The following NBEAL1 variants were observed in gnomAD, a reference collection of about 807,000 sequenced individuals.
The protein encoded by NBEAL1 is neurobeachin-like protein 1.
A neutral mutation model predicts 351.3 loss-of-function variants in NBEAL1; 273 were observed. The ratio of observed to expected loss-of-function variants is 0.78; its 90% CI spans 0.70 to 0.86. The LOEUF (loss-of-function observed/expected upper bound fraction) is 0.86. NBEAL1 is among the 40% of genes least tolerant of loss of function. The pLI, the probability that NBEAL1 is intolerant of heterozygous loss-of-function variation, is 0.00. For missense variants in NBEAL1, 2,961 were observed against 3,201.3 expected, an observed-to-expected ratio of 0.92 and a Z score of 1.81; for synonymous variants, 1,050 against 1,086.4, an observed-to-expected ratio of 0.97 and a Z score of 0.66.
At chr2:203,123,457 CA>C (rs1486752865) in intron 19 of NBEAL1, among the ~76,000 whole-genome samples, 1 of 151,692 alleles carries the variant, frequency 6.6e-6, no homozygotes, top group Non-Finnish European at 1.5e-5. Context: ...CTCAGCCTTC[CA>C]AGTAGCTGGG....
At chr2:203,085,422 C>T (rs2061945511) in intron 10 of NBEAL1, 1 of 152,276 alleles carries the variant, frequency 6.6e-6, no homozygotes, top group Non-Finnish European at 1.5e-5. Context: ...ATTTATCTAA[C>T]CAATATTTAT....
At chr2:203,157,944 C>T (rs2063839994) in intron 36 of NBEAL1, 119 bp downstream of exon 36, 1 of 732,588 alleles carries the variant, frequency 1.4e-6, no homozygotes, top group Non-Finnish European at 2.0e-6. Context: ...AATGCTGTAT[C>T]AGCTGTTAGG....
intron 17 of NBEAL1, 72 bp from the exon 18 acceptor site, chr2:203,115,913 T>C (rs2062685260): frequency 1.0e-6 from 1 of 991,656 alleles, no homozygotes; most frequent in Middle Eastern, 2.1e-4. Flanking sequence ...TTTTAAATTT[T>C]ATTCTGATAA....
At chr2:203,099,525 T>C in intron 11 of NBEAL1, 104 bp from the exon 12 acceptor site, 1 of 660,122 alleles carries the variant, frequency 1.5e-6, no homozygotes, top group South Asian at 2.0e-5. Flanking sequence ...ATGTAATGCA[T>C]GTTAAGTAAT....
intron 42 of NBEAL1, among the ~76,000 whole-genome samples, chr2:203,179,606 G>C (rs2106436204): frequency 6.6e-6 from 1 of 152,158 alleles, no homozygotes; most frequent in East Asian, 1.9e-4. Context: ...TCACTCTCTG[G>C]TTTTAAGAGG....
chr2:203,026,768 C>A (rs1056761967), intron 2 of NBEAL1, among the ~76,000 whole-genome samples: 2 of 152,174 alleles, frequency 1.3e-5, no homozygotes, highest in Non-Finnish European at 2.9e-5. Flanking sequence ...CTGCCTCGGC[C>A]TCCCAAAGTG....
At chr2:203,104,498 C>A (rs2062391739) in intron 12 of NBEAL1, among the ~76,000 whole-genome samples, 1 of 152,160 alleles carries the variant, frequency 6.6e-6, no homozygotes, top group Admixed American at 6.5e-5. Context: ...ATCCAACTTG[C>A]CACTCTGTGC....
Position 203,199,402 on chromosome 2 carries a change from C to A in NBEAL1, c.7193C>A (p.Ser2398Tyr), listed in dbSNP as rs989936744. Residue 2398 changes from serine (S) to tyrosine (Y), a missense_variant, in exon 49 of 56, where the codon TCT becomes TAT. By Grantham distance (144) the Ser-to-Tyr change is moderately radical. Transcript: ENST00000683969. ...TGGTTGCCTTATGACAGAAACATTT[C>A]TAATTACTTTACATTCATCAAGGAT... ...HGWLPYDRNI[S>Y]NYFTFIKDQT... 6.2e-7 allele frequency: 1 copy of A among 1,607,756 alleles called. No homozygotes were observed. Among genetic ancestry groups the A allele is most frequent in the Non-Finnish European group, 8.5e-7 (1 of 1,175,158 alleles).
chr2:203,145,135 G>T lies in NBEAL1; in HGVS notation c.5279G>T (p.Gly1760Val). 6.2e-7 allele frequency: 1 copy of T among 1,604,668 alleles called. No homozygotes were observed. The highest frequency in any genetic ancestry group is 8.5e-7 in the Non-Finnish European group (1 of 1,177,702). Residue 1760 changes from glycine to valine, a missense_variant, in exon 33 of 56, where the codon GGA becomes GTA. Coordinates refer to ENST00000683969, the MANE Select transcript of NBEAL1 (RefSeq NM_001378026.1). ...MVNMHKRDRE[G>V]GESKLKFQEL... is the part of the protein sequence containing the mutation. Reference sequence around the variant, plus strand: ...AATATGCATAAACGAGACCGGGAAGGAGGGGAAAGCAAGCTCAAATTTCAG... The same window carrying T: ...AATATGCATAAACGAGACCGGGAAGTAGGGGAAAGCAAGCTCAAATTTCAG...
intron 4 of NBEAL1, 113 bp from the exon 5 acceptor site, chr2:203,056,314 T>C: frequency 5.9e-6 from 4 of 681,188 alleles, no homozygotes; most frequent in Non-Finnish European, 1.1e-5. Flanking sequence ...TTTTAATAAA[T>C]GTCATTTGCA....
At chr2:203,175,018 T>G in intron 41 of NBEAL1, 129 bp from the exon 42 acceptor site, 1 of 766,612 alleles carries the variant, frequency 1.3e-6, no homozygotes, top group South Asian at 2.1e-5. Context: ...AATACAGAGT[T>G]TGATAATGAG....
intron 2 of NBEAL1, among the ~76,000 whole-genome samples, chr2:203,021,901 A>AG (rs1553594421): frequency 6.6e-6 from 1 of 151,924 alleles, no homozygotes; most frequent in Non-Finnish European, 1.5e-5. Context: ...TACAAAAAAA[A>AG]TTAGCCAGGC....
chr2:203,044,581 C>T (rs189577834), intron 3 of NBEAL1, among the ~76,000 whole-genome samples: 28 of 152,224 alleles, frequency 1.8e-4, no homozygotes, highest in Admixed American at 6.5e-4. Flanking sequence ...ACATGAAGAA[C>T]GCCAAGAGCA....
At chr2:203,116,172 G>A in intron 18 of NBEAL1, 102 bp downstream of exon 18, 1 of 808,566 alleles carries the variant, frequency 1.2e-6, no homozygotes, top group Non-Finnish European at 2.0e-6. Flanking sequence ...TTAAAAGGAG[G>A]GGTTTGAATT....
chr2:203,116,043 T>C lies in NBEAL1; in HGVS notation c.2565T>C (p.Gly855=). The C allele has an allele frequency of 6.4e-7, 1 of 1,553,672 alleles. No individual in the cohort carries two copies. The highest frequency in any genetic ancestry group is 8.7e-7 in the Non-Finnish European group (1 of 1,147,362). The change falls in exon 18 of 56, where the codon GGT becomes GGC. Residue 855 remains glycine (G), a synonymous_variant. Transcript: ENST00000683969. Reference sequence around the variant, plus strand: ...AGTCTGACATGGCCGACCTGCCTGGTAACATCCTTCTTTACTACACAGCAA... The same window carrying C: ...AGTCTGACATGGCCGACCTGCCTGGCAACATCCTTCTTTACTACACAGCAA... ...CQESDMADLP[G]NILLYYTAKA... is the part of the protein sequence containing the mutation.
chr2:203,100,213 T>G (rs2062283792), intron 12 of NBEAL1, among the ~76,000 whole-genome samples: 1 of 152,246 alleles, frequency 6.6e-6, no homozygotes. Context: ...TGAACATACA[T>G]GTTCATGTGT....
At chr2:203,089,373 A>T (rs1559357553) in intron 10 of NBEAL1, among the ~76,000 whole-genome samples, 1 of 151,856 alleles carries the variant, frequency 6.6e-6, no homozygotes, top group African/African-American at 2.4e-5. Flanking sequence ...AAAAAAAAAA[A>T]GATCCCCACT....
At chr2:203,081,688 T>G (rs1259676957) in intron 8 of NBEAL1, among the ~76,000 whole-genome samples, 2 of 152,254 alleles carry the variant, frequency 1.3e-5, no homozygotes, top group East Asian at 3.8e-4. Context: ...TCATGCTTAC[T>G]ATTCTATTTC....
Position 203,073,094 on chromosome 2 carries a change from G to GC in NBEAL1, c.598+4619_598+4620insC, listed in dbSNP as rs1481970143. On this transcript the variant is annotated intron_variant, in intron 7 of 55. Transcript: ENST00000683969. ...TTTTGTTTTGTTTTTCATTGAGACAGAATCTTGCTATATTGCTCAGGCTCA... is the reference window on the plus strand; with the variant it reads ...TTTTGTTTTGTTTTTCATTGAGACAGCAATCTTGCTATATTGCTCAGGCTCA... 6.6e-5 allele frequency among the ~76,000 whole-genome samples: 10 copies of GC among 152,288 alleles called. No homozygotes were observed. In the East Asian group the frequency reaches 1.7e-3, roughly 26 times the overall value.
Sources: gnomAD v4.1 joint callset for allele counts (sites outside exome capture counted in the v4.1 genomes callset) on GRCh38, gnomAD v4.1.1 for gene constraint, MANE v1.5 for transcripts, NCBI Gene and HGNC (gene_info 2026-07-23, HGNC 2026-07-21) for gene names.